Variants in COL2A1 observed in about 807,000 individuals in gnomAD.
COL2A1 encodes collagen type II alpha 1 chain.
A neutral mutation model predicts 204.5 loss-of-function variants in COL2A1; 28 were observed. That is an observed-to-expected ratio of 0.14 (90% CI 0.10 to 0.19). The LOEUF is 0.19. Among genes scored for constraint, COL2A1 ranks in the 10% least tolerant of loss-of-function variants. The pLI is 1.00. For synonymous variants in COL2A1, 708 were observed against 718.7 expected (o/e 0.99, Z 0.24); for missense variants, 1,388 against 2,027.5 (o/e 0.68, Z 6.06).
Position 47,983,722 on chromosome 12 carries a change from T to C in COL2A1, c.1956A>G (p.Glu652=). The part of the protein sequence containing the change: ...GPPGPAGPAG[E]RGEQGAPGPS... ...GCCCAGGAGCACCCTGCTCGCCTCG[T>C]TCACCAGCAGGTCCCTGCAGTGGAA... The change falls in exon 30 of 54, where the codon GAA becomes GAG. Residue 652 remains glutamate (E), a synonymous_variant. Transcript: ENST00000380518. 6.3e-7 allele frequency: 1 copy of C among 1,595,052 alleles called. No individual in the cohort carries two copies. The highest frequency in any genetic ancestry group is 8.5e-7 in the Non-Finnish European group (1 of 1,170,746).
chr12:47,974,366 G>A (rs1938587109), intron 52 of COL2A1, 35 bp from the exon 53 acceptor site: 1 of 1,611,624 alleles, frequency 6.2e-7, no homozygotes, highest in Admixed American at 1.7e-5. Flanking sequence ...TGAGGCCTGG[G>A]AGCTGGCATT....
In COL2A1 at chr12:47,983,149, A is replaced by G; in HGVS notation, c.2050-12T>C. ...TCACCGGGAACACCCTGGAGAACAA[A>G]GAAAGATGTGTGAGAGTGAAGGCTT... On this transcript the variant is annotated splice_polypyrimidine_tract_variant and intron_variant, in intron 31 of 53. Transcript: ENST00000380518. 1 of 1,613,156 alleles carries G rather than the reference A, an allele frequency of 6.2e-7. No individual in the cohort carries two copies. Among genetic ancestry groups the G allele is most frequent in the South Asian group, 1.1e-5 (1 of 90,846 alleles).
rs199642249 is a variant in COL2A1, at chr12:47,978,057, C to A, written c.3064G>T (p.Val1022Leu). 4 of 1,613,836 alleles carry A rather than the reference C, an allele frequency of 2.5e-6. No homozygotes were observed. The highest frequency in any genetic ancestry group is 1.7e-4 in the Middle Eastern group (1 of 6,060). Reference sequence around the variant, plus strand: ...GGACCCGTCAGGCCAGGAGGACCCACGGGGCCAGGAGGACCTCTGTCTCCA... The same window carrying A: ...GGACCCGTCAGGCCAGGAGGACCCAAGGGGCCAGGAGGACCTCTGTCTCCA... Reference protein sequence around the residue: ...ASGDRGPPGPVGPPGLTGPAG... With the variant: ...ASGDRGPPGPLGPPGLTGPAG... Residue 1022 changes from valine (V) to leucine (L), a missense_variant, in exon 44 of 54, where the codon GTG becomes TTG. By Grantham distance (32) the Val-to-Leu change is conservative. Around this residue, in one of 3 missense-constraint regions of COL2A1, gnomAD observed 884 missense variants for 1,415.8 expected, o/e 0.62. Transcript: ENST00000380518. The surrounding 1 kb of genome is among the most constrained non-coding windows in gnomAD (Gnocchi z 5.5).
At chr12:47,989,933 G>A (rs1939626205) in intron 16 of COL2A1, 128 bp from the exon 17 acceptor site, 2 of 862,200 alleles carry the variant, frequency 2.3e-6, no homozygotes, top group Admixed American at 1.8e-5. Context: ...GCACGAGGAT[G>A]GCGAGGTGTG....
chr12:47,980,122 G>C lies in COL2A1; in HGVS notation c.2626-60C>G. The C allele has an allele frequency of 4.9e-6, 7 of 1,434,748 alleles. No individual in the cohort carries two copies. The highest frequency in any genetic ancestry group is 6.7e-6 in the Non-Finnish European group (7 of 1,041,168). The allele number at this position is 1,434,748 out of a possible 1,614,324, so 88.9% of individuals were successfully genotyped here. ...GGCCCAAGGAAGACGGTGGGCTTCT[G>C]TCTGAGCCCCAACAATGGACCCCTG... On this transcript the variant is annotated intron_variant, in intron 39 of 53. Transcript: ENST00000380518. The surrounding 1 kb of genome is among the most constrained non-coding windows in gnomAD (Gnocchi z 4.5).
intron 34 of COL2A1, 38 bp downstream of exon 34, chr12:47,982,464 C>T: frequency 6.5e-7 from 1 of 1,547,386 alleles, no homozygotes; most frequent in Non-Finnish European, 8.9e-7. Context: ...TGTGGCAAAG[C>T]CACAGCTTTG....
rs1064796856 is a variant in COL2A1 at position 47,982,543 on chromosome 12, C to T, written c.2260G>A (p.Glu754Lys). Residue 754 changes from glutamate to lysine, a missense_variant, in exon 34 of 54, where the codon GAG becomes AAG. By Grantham distance (56) the Glu-to-Lys change is moderately conservative. Around this residue, in one of 3 missense-constraint regions of COL2A1, gnomAD observed 884 missense variants for 1,415.8 expected, o/e 0.62. Coordinates refer to ENST00000380518, the MANE Select transcript of COL2A1 (RefSeq NM_001844.5). ...GPPGLQGMPG[E>K]RGAAGIAGPK... ...CCAGCGATACCAGCTGCTCCCCTCT[C>T]GCCAGGCATTCCCTGAAGACCTGGA... 7.4e-6 allele frequency: 12 copies of T among 1,613,798 alleles called. No individual in the cohort carries two copies. The Admixed American group carries it at 1.5e-4, about 20-fold the overall frequency.
chr12:47,994,159 ATCCCCACACTTGGACAGCTCTTTC>A, intron 12 of COL2A1, 112 bp from the exon 13 acceptor site: 1 of 1,235,974 alleles, frequency 8.1e-7, no homozygotes, highest in Non-Finnish European at 1.2e-6. Context: ...GTTGTCTCGA[ATCCCCACACTTGGACAGCTCTTTC>A]TGTAAAACCC....
rs1160164061 is a variant in COL2A1 at position 47,983,328 on chromosome 12, A to T, written c.2049+57T>A. On this transcript the variant is annotated intron_variant, in intron 31 of 53. Transcript: ENST00000380518. ...GCCCTCTTGCCCTTGCCTCCTAGGC[A>T]TCAGAAAAGACCTTCCCATCTAAAC... 11 of 1,588,852 alleles carry T rather than the reference A, an allele frequency of 6.9e-6. No homozygotes were observed. The Admixed American group carries it at 1.5e-4, about 22-fold the overall frequency.
rs1457429743 is a variant in COL2A1 at position 47,973,047 on chromosome 12, T to C, written c.*360A>G. 6 of 577,022 alleles carry C rather than the reference T, an allele frequency of 1.0e-5. No homozygotes were observed. Among genetic ancestry groups the C allele is most frequent in the African/African-American group, 1.9e-5 (1 of 53,708 alleles). 35.7% of individuals were successfully genotyped at this position (577,022 alleles called of 1,614,324 possible). A position where few individuals can be genotyped will look rare whatever the true frequency, so the allele number is the denominator to read the frequency against. ...AGGTGTTTGACACAGAATAGCACCA[T>C]TGTGTAGGACACACACAGTTCCTGC... On this transcript the variant is annotated 3_prime_UTR_variant, in exon 54 of 54. Coordinates refer to ENST00000380518, the MANE Select transcript of COL2A1 (RefSeq NM_001844.5).
At position 47,997,629 on chromosome 12, in the gene COL2A1, G is replaced by A. The variant is rs200882049; in HGVS notation, c.508C>T (p.Pro170Ser). 184 of 1,613,716 alleles carry A rather than the reference G, an allele frequency of 1.1e-4. No individual in the cohort carries two copies. The highest frequency in any genetic ancestry group is 1.6e-5 in the Non-Finnish European group (19 of 1,179,894). The change falls in exon 7 of 54, where the codon CCT (proline) becomes TCT (serine). Residue 170 changes from proline to serine, a missense_variant. This residue lies in a region of COL2A1 where 201 missense variants were observed against 242.4 expected (regional missense o/e 0.83). Coordinates refer to ENST00000380518, the MANE Select transcript of COL2A1 (RefSeq NM_001844.5). Reference protein sequence around the residue: ...NPGPPGPPGPPGPPGLGGNFA... With the variant: ...NPGPPGPPGPSGPPGLGGNFA... ...ACTCCACCAAGACCAGGGGGACCAG[G>A]GGGGCCGGGAGGACCAGGGGGGCCA...
intron 2 of COL2A1, 58 bp from the exon 3 acceptor site, chr12:47,998,489 C>G: frequency 6.4e-7 from 1 of 1,565,968 alleles, no homozygotes; most frequent in Non-Finnish European, 8.7e-7. Context: ...GGAAAAATAC[C>G]TATTCTTGTC....
Position 47,982,947 on chromosome 12 carries a change from C to CTTGG in COL2A1, c.2095-2_2095-1insCCAA. The CTTGG allele has an allele frequency of 6.2e-7, 1 of 1,613,648 alleles. No homozygotes were observed. Among genetic ancestry groups the CTTGG allele is most frequent in the Non-Finnish European group, 8.5e-7 (1 of 1,179,916 alleles). On this transcript the variant is annotated splice_acceptor_variant, in intron 32 of 53. Transcript: ENST00000380518. LOFTEE classifies it high-confidence loss of function. ...GTTCACCTGGGAAACCTCGTTCACC[C>CTTGG]TGCGGCAGAGACACCAAGAAGTGAT...
rs1368240211 is a variant in COL2A1 at position 47,981,799 on chromosome 12, G to A, written c.2386C>T (p.Pro796Ser). 1.3e-6 allele frequency: 2 copies of A among 1,554,422 alleles called. No homozygotes were observed. The highest frequency in any genetic ancestry group is 8.7e-7 in the Non-Finnish European group (1 of 1,148,558). Reference protein sequence around the residue: ...GLTGPIGPPGPAGANGEKGEV... With the variant: ...GLTGPIGPPGSAGANGEKGEV... ...ACCTTCTCGCCATTAGCACCAGCTG[G>A]GCCAGGGGGGCCAATGGGACCTGTC... The change falls in exon 36 of 54, where the codon CCA becomes TCA. Residue 796 changes from proline to serine, a missense_variant. Transcript: ENST00000380518.
chr12:47,976,501 C>T lies in COL2A1; in HGVS notation c.3489+13G>A, dbSNP rs764838739. On this transcript the variant is annotated intron_variant, in intron 49 of 53. Coordinates refer to ENST00000380518, the MANE Select transcript of COL2A1 (RefSeq NM_001844.5). This position sits in a 1 kb window ranked among gnomAD's most constrained non-coding sequence, Gnocchi z 4.3. ...GAAGGGCCCCCTCCATCTTCCAACT[C>T]CATGTCACTTACTCTAGGGCCAGAA... 3.1e-6 allele frequency: 5 copies of T among 1,613,982 alleles called. No homozygotes were observed. The South Asian group carries it at 4.4e-5, about 14-fold the overall frequency.
chr12:48,000,808 G>A (rs1940200537), intron 1 of COL2A1, among the ~76,000 whole-genome samples: 1 of 152,200 alleles, frequency 6.6e-6, no homozygotes, highest in Non-Finnish European at 1.5e-5. Context: ...ATTTGGGGAG[G>A]GGGATAGACC....
At chr12:47,988,671 T>C (rs1257405276) in intron 18 of COL2A1, among the ~76,000 whole-genome samples, 1 of 152,258 alleles carries the variant, frequency 6.6e-6, no homozygotes, top group Non-Finnish European at 1.5e-5. Flanking sequence ...ACGTTCACAC[T>C]GGAATCCTTC....
chr12:47,977,970 C>T, intron 44 of COL2A1, 40 bp downstream of exon 44: 1 of 1,554,980 alleles, frequency 6.4e-7, no homozygotes, highest in East Asian at 2.2e-5. Context: ...CAGGGCCCCT[C>T]TCCCCAATCA....
At chr12:47,981,710 G>T in intron 36 of COL2A1, 66 bp downstream of exon 36, 2 of 1,494,102 alleles carry the variant, frequency 1.3e-6, no homozygotes, top group South Asian at 1.2e-5. Context: ...AACCGCCTTT[G>T]GCAGGAGATA....
Sources: allele counts gnomAD v4.1 joint callset (sites outside exome capture counted in the v4.1 genomes callset), GRCh38; gene constraint gnomAD v4.1.1; regional missense constraint gnomAD v4.1.1; non-coding constraint Gnocchi (gnomAD v3.1); transcripts MANE v1.5; gene names NCBI Gene and HGNC (gene_info 2026-07-23, HGNC 2026-07-21).